CXCL13: variants seen among roughly 807,000 people sequenced by gnomAD.
CXCL13 encodes the protein C-X-C motif chemokine 13.
Under a neutral mutation model 12.2 loss-of-function variants are expected in CXCL13, and 7 were observed. The observed-to-expected ratio is 0.57, with a 90% CI of 0.33 to 1.07. CXCL13 has a LOEUF of 1.07. Ranked by LOEUF, CXCL13 falls within the 50% of genes least tolerant of loss-of-function variation. CXCL13 has a pLI of 0.04. For missense variants in CXCL13, 113 were observed against 127.4 expected, an observed-to-expected ratio of 0.89 and a Z score of 0.55; for synonymous variants, 47 against 42.4, an observed-to-expected ratio of 1.11 and a Z score of -0.42.
chr4:77,534,246 G>A (rs1418533136), intron 1 of CXCL13, among the ~76,000 whole-genome samples: 2 of 152,024 alleles, frequency 1.3e-5, no homozygotes, highest in Non-Finnish European at 2.9e-5. Context: ...TTGCACTCCT[G>A]GGCATTCATC....
intron 1 of CXCL13, among the ~76,000 whole-genome samples, chr4:77,594,454 A>C (rs928113012): frequency 6.6e-6 from 1 of 152,208 alleles, no homozygotes; most frequent in Non-Finnish European, 1.5e-5. Flanking sequence ...AAGTCCCCCA[A>C]TACTTGCATC....
At chr4:77,540,342 G>A (rs1221820170) in intron 1 of CXCL13, among the ~76,000 whole-genome samples, 1 of 152,144 alleles carries the variant, frequency 6.6e-6, no homozygotes, top group African/African-American at 2.4e-5. Flanking sequence ...GAGTTTTGGG[G>A]TATGATTGAT....
chr4:77,567,660 G>A (rs1441336438), intron 1 of CXCL13, among the ~76,000 whole-genome samples: 1 of 152,142 alleles, frequency 6.6e-6, no homozygotes, highest in Non-Finnish European at 1.5e-5. Flanking sequence ...GGTGGCAAAA[G>A]TGACCTCTGG....
In CXCL13 at chr4:77,598,686, C is replaced by A. The variant is rs190424487; in HGVS notation, c.-42-7138C>A. On this transcript the variant is annotated intron_variant, in intron 1 of 4. Coordinates refer to the CXCL13 transcript ENST00000286758. ...TAGAGTGGCAGGTTATTGCGGAAAACTTTTCTTCGTTATACACTAACACAT... is the reference window on the plus strand; with the variant it reads ...TAGAGTGGCAGGTTATTGCGGAAAAATTTTCTTCGTTATACACTAACACAT... Among the ~76,000 whole-genome samples, 878 of 152,262 alleles carry A rather than the reference C, an allele frequency of 5.8e-3. 12 individuals are homozygous for A. The highest frequency in any genetic ancestry group is 0.02 in the African/African-American group (818 of 41,550).
At chr4:77,539,038 GCA>G (rs1179613112) in intron 1 of CXCL13, among the ~76,000 whole-genome samples, 1 of 151,136 alleles carries the variant, frequency 6.6e-6, no homozygotes. Flanking sequence ...AAAGACTAGT[GCA>G]CAGTTTGACC....
Position 77,608,427 on chromosome 4 carries a change from C to T in CXCL13, c.197+592C>T, listed in dbSNP as rs1283161449. 4.0e-5 allele frequency among the ~76,000 whole-genome samples: 6 copies of T among 149,076 alleles called. No individual in the cohort carries two copies. The East Asian group carries it at 9.8e-4, about 24-fold the overall frequency. ...TGCACTCCAGCCTGGGCAACAAGAGCGAAACTCCATCTCAAAAAAAAAAAA... is the reference window on the plus strand; with the variant it reads ...TGCACTCCAGCCTGGGCAACAAGAGTGAAACTCCATCTCAAAAAAAAAAAA... On this transcript the variant is annotated intron_variant, in intron 2 of 3. Transcript: ENST00000682537.
At chr4:77,586,271 C>T (rs1222703983) in intron 1 of CXCL13, among the ~76,000 whole-genome samples, 3 of 151,774 alleles carry the variant, frequency 2.0e-5, no homozygotes, top group Non-Finnish European at 4.4e-5. Context: ...GCTACTTGTT[C>T]TCCCTGTTCT....
At chr4:77,524,999 C>T (rs1424834389) in intron 1 of CXCL13, among the ~76,000 whole-genome samples, 1 of 152,220 alleles carries the variant, frequency 6.6e-6, no homozygotes, top group Non-Finnish European at 1.5e-5. Context: ...ATCCCCAATG[C>T]AACAGTGTTG....
At chr4:77,549,623 G>A in intron 1 of CXCL13, among the ~76,000 whole-genome samples, 1 of 152,172 alleles carries the variant, frequency 6.6e-6, no homozygotes, top group Non-Finnish European at 1.5e-5. Context: ...GAGTTTGCTG[G>A]AGGTCCACTT....
chr4:77,596,462 C>T (rs549013780), intron 1 of CXCL13, among the ~76,000 whole-genome samples: 2 of 152,194 alleles, frequency 1.3e-5, no homozygotes, highest in Non-Finnish European at 2.9e-5. Flanking sequence ...AGCAATCCCT[C>T]TTCTGTGTAT....
chr4:77,538,797 C>T (rs1489289669), intron 1 of CXCL13, among the ~76,000 whole-genome samples: 2 of 152,122 alleles, frequency 1.3e-5, no homozygotes, highest in Non-Finnish European at 2.9e-5. Context: ...AGACCAACAG[C>T]AGTGGTGTTG....
intron 1 of CXCL13, among the ~76,000 whole-genome samples, chr4:77,531,307 G>A (rs1173873140): frequency 8.4e-6 from 1 of 119,100 alleles, no homozygotes; most frequent in Non-Finnish European, 1.6e-5. Flanking sequence ...CTGGTGTGTA[G>A]TGTTCCCCTT....
intron 1 of CXCL13, among the ~76,000 whole-genome samples, chr4:77,561,531 T>C (rs1236130993): frequency 6.6e-6 from 1 of 152,252 alleles, no homozygotes; most frequent in Non-Finnish European, 1.5e-5. Flanking sequence ...CCAAGATCGT[T>C]CTGCTTATAA....
chr4:77,580,304 CTTTCTTTTTTTTTTTTTTTT>C (rs1726290701), intron 1 of CXCL13, among the ~76,000 whole-genome samples: 1 of 8,010 alleles, frequency 1.2e-4, no homozygotes, highest in Admixed American at 1.3e-3. Context: ...GACAAGTTTT[CTTTCTTTTTTTTTTTTTTTT>C]TTTTTTTTTT....
At chr4:77,599,039 C>T (rs987085140) in intron 1 of CXCL13, among the ~76,000 whole-genome samples, 2 of 152,196 alleles carry the variant, frequency 1.3e-5, no homozygotes, top group South Asian at 2.1e-4. Flanking sequence ...GAACTCCTGA[C>T]CTCAGGTGAT....
At position 77,538,893 on chromosome 4, in the gene CXCL13, TCTC is replaced by T. The variant is rs1725134882; in HGVS notation, c.-43+27109_-43+27111del. 6.6e-5 allele frequency among the ~76,000 whole-genome samples: 10 copies of T among 152,148 alleles called. No homozygotes were observed. In the South Asian group the frequency reaches 2.1e-3, roughly 32 times the overall value. On this transcript the variant is annotated intron_variant, in intron 1 of 4. Transcript: ENST00000286758. ...GGGTCTGTAGCAACCTCAATTCTTG[TCTC>T]CTCAGAGGAATGAATTTGAGGGGCA...
intron 1 of CXCL13, among the ~76,000 whole-genome samples, chr4:77,570,175 A>G (rs543703284): frequency 5.3e-5 from 8 of 152,376 alleles, no homozygotes; most frequent in East Asian, 3.9e-4. Flanking sequence ...AAAAACCTGG[A>G]AGAAAATACA....
intron 1 of CXCL13, among the ~76,000 whole-genome samples, chr4:77,585,731 G>T (rs1249416679): frequency 6.6e-6 from 1 of 152,156 alleles, no homozygotes; most frequent in South Asian, 2.1e-4. Context: ...GACTTTTGTG[G>T]TAAAACACCT....
At chr4:77,560,147 A>T in intron 1 of CXCL13, among the ~76,000 whole-genome samples, 1 of 152,114 alleles carries the variant, frequency 6.6e-6, no homozygotes, top group Non-Finnish European at 1.5e-5. Flanking sequence ...GCCCTGTGCA[A>T]GGGTATATAT....
Sources: gnomAD v4.1 joint callset for allele counts (sites outside exome capture counted in the v4.1 genomes callset) on GRCh38, gnomAD v4.1.1 for gene constraint, MANE v1.5 for transcripts, NCBI Gene and HGNC (gene_info 2026-07-23, HGNC 2026-07-21) for gene names.